NPAS2: variants seen among roughly 807,000 people sequenced by gnomAD.
NPAS2 encodes the protein neuronal PAS domain-containing protein 2.
A neutral mutation model predicts 107.5 loss-of-function variants in NPAS2; 23 were observed. That is an observed-to-expected ratio of 0.21 (90% CI 0.15 to 0.30). The LOEUF is 0.30. Among genes scored for constraint, NPAS2 ranks in the 10% least tolerant of loss-of-function variants. The probability of loss-of-function intolerance (pLI) is 1.00; values close to 1 mark genes in which losing one functional copy is unlikely to be tolerated. For missense variants in NPAS2, 756 were observed against 1,043.3 expected (o/e 0.72, Z 3.79); for synonymous variants, 403 against 417.5 (o/e 0.97, Z 0.42).
At chr2:100,925,326 C>T (rs1192691734) in intron 3 of NPAS2, 32 bp downstream of exon 3, 2 of 1,607,898 alleles carry the variant, frequency 1.2e-6, no homozygotes, top group African/African-American at 1.3e-5. Context: ...GTTTTTTTTC[C>T]ACCCTGCCCC....
chr2:100,969,844 C>T (rs1676437739), intron 11 of NPAS2, among the ~76,000 whole-genome samples: 1 of 152,130 alleles, frequency 6.6e-6, no homozygotes, highest in African/African-American at 2.4e-5. Context: ...CTAAACGTAT[C>T]TGAACACAGA....
intron 1 of NPAS2, among the ~76,000 whole-genome samples, chr2:100,895,766 G>T (rs1376997551): frequency 6.6e-6 from 1 of 152,176 alleles, no homozygotes; most frequent in African/African-American, 2.4e-5. Flanking sequence ...AGTCCCTAGG[G>T]GTGGGGCAGA....
intron 20 of NPAS2, chr2:100,994,539 C>G (rs2105335274): frequency 1.3e-5 from 2 of 152,448 alleles, no homozygotes; most frequent in Middle Eastern, 6.8e-3. Context: ...AGCGCTTCGG[C>G]CCACTCACTG....
At chr2:100,882,319 AAAAC>A (rs1270752180) in intron 1 of NPAS2, among the ~76,000 whole-genome samples, 8 of 152,150 alleles carry the variant, frequency 5.3e-5, no homozygotes, top group Admixed American at 3.3e-4. Context: ...TTAAAACAAA[AAAAC>A]AAACAGCCGG....
intron 1 of NPAS2, among the ~76,000 whole-genome samples, chr2:100,875,461 T>TACACACACACACACAC (rs56331462): frequency 3.1e-4 from 45 of 143,658 alleles, no homozygotes; most frequent in East Asian, 1.0e-3. Flanking sequence ...ATTAAAAGCT[T>TACACACACACACACAC]ACACACACAC....
intron 1 of NPAS2, among the ~76,000 whole-genome samples, chr2:100,843,529 T>G (rs1677578860): frequency 6.6e-6 from 1 of 152,190 alleles, no homozygotes. Flanking sequence ...TAGAAAAATT[T>G]TCACTGCAAG....
intron 1 of NPAS2, among the ~76,000 whole-genome samples, chr2:100,886,339 C>T (rs1174236118): frequency 1.3e-5 from 2 of 152,196 alleles, no homozygotes; most frequent in African/African-American, 2.4e-5. Flanking sequence ...TTTTGGATCC[C>T]GAGGTCTGCA....
intron 7 of NPAS2, among the ~76,000 whole-genome samples, chr2:100,952,128 G>A (rs542520228): frequency 1.9e-4 from 29 of 149,834 alleles, no homozygotes; most frequent in Non-Finnish European, 3.9e-4. Flanking sequence ...CTCCAGCCTG[G>A]GCGACAGAGC....
At chr2:100,946,866 A>G (rs1308045999) in intron 5 of NPAS2, among the ~76,000 whole-genome samples, 3 of 152,150 alleles carry the variant, frequency 2.0e-5, no homozygotes, top group Non-Finnish European at 4.4e-5. Flanking sequence ...GTTTGAGGGT[A>G]AGGACGAGAA....
At position 100,926,766 on chromosome 2, in the gene NPAS2, CTT is replaced by C. The variant is rs760405261; in HGVS notation, c.181+1474_181+1475del. Among the ~76,000 whole-genome samples the C allele has an allele frequency of 2.6e-5, 4 of 152,202 alleles. No individual in the cohort carries two copies. In the East Asian group the frequency reaches 7.7e-4, roughly 29 times the overall value. ...GTCTTTTTACTTTTCAAGTGATACT[CTT>C]TGACACACGAAGGTTTTAAATTTTA... On this transcript the variant is annotated intron_variant, in intron 3 of 20. Transcript: ENST00000335681.
chr2:100,896,730 C>T (rs1015851573), intron 1 of NPAS2, among the ~76,000 whole-genome samples: 7 of 152,286 alleles, frequency 4.6e-5, no homozygotes, highest in South Asian at 2.1e-4. Flanking sequence ...GGAGCCACCA[C>T]GATCATGGGG....
chr2:100,885,552 C>T (rs1053536452), intron 1 of NPAS2, among the ~76,000 whole-genome samples: 9 of 152,206 alleles, frequency 5.9e-5, no homozygotes, highest in Admixed American at 2.0e-4. Flanking sequence ...AAACTTCGTG[C>T]TTTATTTAGG....
chr2:100,837,448 C>A (rs992543186), intron 1 of NPAS2, among the ~76,000 whole-genome samples: 1 of 152,184 alleles, frequency 6.6e-6, no homozygotes, highest in East Asian at 1.9e-4. Flanking sequence ...CCATCACGTC[C>A]AGCTAATTTT....
intron 1 of NPAS2, among the ~76,000 whole-genome samples, chr2:100,845,273 G>A (rs1677702942): frequency 6.6e-6 from 1 of 152,174 alleles, no homozygotes; most frequent in South Asian, 2.1e-4. Context: ...CTTCGTGGAT[G>A]GTGGCTGCAG....
At chr2:100,856,051 G>C (rs554655218) in intron 1 of NPAS2, among the ~76,000 whole-genome samples, 9 of 152,262 alleles carry the variant, frequency 5.9e-5, no homozygotes, top group African/African-American at 2.2e-4. Flanking sequence ...ATTTTGATTA[G>C]AGGGATTGGA....
At chr2:100,982,200 T>C in intron 15 of NPAS2, 31 bp from the exon 16 acceptor site, 1 of 1,613,574 alleles carries the variant, frequency 6.2e-7, no homozygotes, top group South Asian at 1.1e-5. Flanking sequence ...AACTCTTTCA[T>C]CTGATTATGT....
rs985314441 is a variant in NPAS2 at position 100,968,157 on chromosome 2, G to A, written c.908-124G>A. 26 of 1,001,270 alleles carry A rather than the reference G, an allele frequency of 2.6e-5. No individual in the cohort carries two copies. Among genetic ancestry groups the A allele is most frequent in the African/African-American group, 1.8e-4 (11 of 62,228 alleles). The allele number at this position is 1,001,270 out of a possible 1,614,324, so 62.0% of individuals were successfully genotyped here. ...CAGTCACTTAAAATACAGGGCAACC[G>A]GGGAAACAAGCCATGTTTGGTATTG... On this transcript the variant is annotated intron_variant, in intron 10 of 20. Transcript: ENST00000335681. The surrounding 1 kb of genome is among the most constrained non-coding windows in gnomAD (Gnocchi z 5.3).
chr2:100,922,306 A>G (rs774555061), intron 2 of NPAS2, among the ~76,000 whole-genome samples: 38 of 152,182 alleles, frequency 2.5e-4, no homozygotes, highest in Non-Finnish European at 3.5e-4. Context: ...CTGGCCAGGC[A>G]TGGTGGCTCA....
intron 1 of NPAS2, among the ~76,000 whole-genome samples, chr2:100,892,675 C>G (rs1010585033): frequency 1.3e-5 from 2 of 152,130 alleles, no homozygotes; most frequent in African/African-American, 4.8e-5. Flanking sequence ...GAGCTGCCGG[C>G]TCTCAGGCTT....
Sources: allele counts gnomAD v4.1 joint callset (sites outside exome capture counted in the v4.1 genomes callset), GRCh38; gene constraint gnomAD v4.1.1; non-coding constraint Gnocchi (gnomAD v3.1); transcripts MANE v1.5; gene names NCBI Gene and HGNC (gene_info 2026-07-23, HGNC 2026-07-21).